SHANK2: variants seen among roughly 807,000 people sequenced by gnomAD.
SHANK2 encodes the protein SH3 and multiple ankyrin repeat domains 2.
In SHANK2, 43 loss-of-function variants were observed where a neutral mutation model predicts 133.7. That is an observed-to-expected ratio of 0.32 (90% CI 0.25 to 0.41). The LOEUF is 0.41. Ranked by LOEUF, SHANK2 falls within the 10% of genes least tolerant of loss-of-function variation. The pLI, the probability that SHANK2 is intolerant of heterozygous loss-of-function variation, is 1.00. For synonymous variants in SHANK2, 1,017 were observed against 952.8 expected (o/e 1.07, Z -1.24); for missense variants, 1,994 against 2,235.8 (o/e 0.89, Z 2.18).
At chr11:70,947,980 C>T (rs560847000) in intron 10 of SHANK2, among the ~76,000 whole-genome samples, 1 of 152,218 alleles carries the variant, frequency 6.6e-6, no homozygotes, top group African/African-American at 2.4e-5. Flanking sequence ...CACCATCCCA[C>T]CCCCACCTCT....
chr11:71,109,113 GA>G (rs1555098568), intron 6 of SHANK2, among the ~76,000 whole-genome samples: 1 of 152,194 alleles, frequency 6.6e-6, no homozygotes, highest in Non-Finnish European at 1.5e-5. Flanking sequence ...CTCAAGACAA[GA>G]GGGGAGGGAG....
rs536646372 is a variant in SHANK2, at chr11:70,775,571, T to C, written c.1777+22872A>G. Among the ~76,000 whole-genome samples, 7 of 152,332 alleles carry C rather than the reference T, an allele frequency of 4.6e-5. No individual in the cohort carries two copies. The East Asian group carries it at 1.4e-3, about 29-fold the overall frequency. ...TTGACTCTAGACCCACATTTGCAGA[T>C]GGTGCCCAATCCACCACTCGCGGCC... On this transcript the variant is annotated intron_variant, in intron 14 of 25. Coordinates refer to ENST00000601538, the MANE Select transcript of SHANK2 (RefSeq NM_012309.5).
chr11:70,661,750 G>C (rs368374581), intron 15 of SHANK2, 72 bp from the exon 16 acceptor site: 2 of 1,614,034 alleles, frequency 1.2e-6, no homozygotes, highest in Non-Finnish European at 1.7e-6. Context: ...CTCCTCCGCC[G>C]GGGACGTTCA....
intron 14 of SHANK2, among the ~76,000 whole-genome samples, chr11:70,784,909 G>T (rs1947616249): frequency 6.6e-6 from 1 of 152,232 alleles, no homozygotes; most frequent in Non-Finnish European, 1.5e-5. Context: ...CATGGACACA[G>T]GAAGCCACAG....
In SHANK2 at chr11:70,713,682, G is replaced by A. The variant is rs376415141; in HGVS notation, c.1778-14919C>T. Among the ~76,000 whole-genome samples, 33 of 152,180 alleles carry A rather than the reference G, an allele frequency of 2.2e-4. 1 individual carries two copies. The highest frequency in any genetic ancestry group is 3.4e-3 in the Middle Eastern group (1 of 294). On this transcript the variant is annotated intron_variant, in intron 14 of 25. Transcript: ENST00000601538. ...AGAGCTGTCACAGCGCCGGGTGTCC[G>A]TCACAGCACCGGGTGTCCGTCACAG...
chr11:70,473,742 T>G lies in SHANK2; in HGVS notation c.4980-303A>C, dbSNP rs192615814. 4.1e-3 allele frequency: 1,604 copies of G among 395,696 alleles called. 26 individuals are homozygous for G. Among genetic ancestry groups the G allele is most frequent in the African/African-American group, 0.031 (1,486 of 47,624 alleles). The allele number at this position is 395,696 out of a possible 1,614,324, so 24.5% of individuals were successfully genotyped here. A position where few individuals can be genotyped will look rare whatever the true frequency, so the allele number is the denominator to read the frequency against. The stretch of plus-strand genomic sequence containing the variant: ...ACCACGTCAGCCCACTCACCTGAAC[T>G]GGGACAGAGGGGCTGGGGGACCTGC... On this transcript the variant is annotated intron_variant, in intron 25 of 25. Transcript: ENST00000601538. The surrounding 1 kb of genome is among the most constrained non-coding windows in gnomAD (Gnocchi z 5.9).
intron 2 of SHANK2, among the ~76,000 whole-genome samples, chr11:71,223,330 A>G (rs1555121632): frequency 2.6e-5 from 4 of 152,170 alleles, no homozygotes; most frequent in African/African-American, 9.7e-5. Context: ...GAGATAAACG[A>G]TCAGCACAGC....
chr11:70,502,195 G>A lies in SHANK2; in HGVS notation c.2278+11C>T, dbSNP rs1555158787. ...GTGACTGTACAGGGCTGGGCCGGGT[G>A]TGCGACTTACCGAGCTCCTCCAGCT... On this transcript the variant is annotated intron_variant, in intron 19 of 25. Transcript: ENST00000601538. 4 of 1,554,168 alleles carry A rather than the reference G, an allele frequency of 2.6e-6. No homozygotes were observed. Among genetic ancestry groups the A allele is most frequent in the Non-Finnish European group, 3.5e-6 (4 of 1,148,134 alleles).
At chr11:70,826,134 G>A (rs1555057174) in intron 11 of SHANK2, among the ~76,000 whole-genome samples, 1 of 152,174 alleles carries the variant, frequency 6.6e-6, no homozygotes, top group African/African-American at 2.4e-5. Flanking sequence ...GGTCACTGAG[G>A]ACTATAGTCA....
intron 17 of SHANK2, among the ~76,000 whole-genome samples, chr11:70,656,158 A>C (rs2061403092): frequency 6.6e-6 from 1 of 152,178 alleles, no homozygotes; most frequent in African/African-American, 2.4e-5. Flanking sequence ...TGTGGGAGTG[A>C]AGGGGCCTAA....
At chr11:70,742,859 G>A (rs782559428) in intron 14 of SHANK2, among the ~76,000 whole-genome samples, 2 of 152,000 alleles carry the variant, frequency 1.3e-5, no homozygotes, top group Non-Finnish European at 2.9e-5. Context: ...CACTGATAAA[G>A]GAAATGGAAA....
intron 11 of SHANK2, among the ~76,000 whole-genome samples, chr11:70,885,925 C>T (rs1456786746): frequency 8.5e-5 from 13 of 152,364 alleles, no homozygotes; most frequent in African/African-American, 2.9e-4. Flanking sequence ...TGGAACAAAA[C>T]TTCTAGACAG....
chr11:70,782,349 G>A (rs550929198), intron 14 of SHANK2, among the ~76,000 whole-genome samples: 5 of 152,306 alleles, frequency 3.3e-5, no homozygotes, highest in Non-Finnish European at 5.9e-5. Flanking sequence ...GAGCCACCGC[G>A]CCCAGCCTTA....
chr11:70,897,961 C>CA (rs1678214513), intron 10 of SHANK2, among the ~76,000 whole-genome samples: 5 of 146,346 alleles, frequency 3.4e-5, no homozygotes, highest in African/African-American at 7.6e-5. Context: ...CACACACACA[C>CA]TTTTTTTTTT....
chr11:71,159,721 T>C (rs782042058), intron 2 of SHANK2, among the ~76,000 whole-genome samples: 1 of 152,138 alleles, frequency 6.6e-6, no homozygotes, highest in Non-Finnish European at 1.5e-5. Flanking sequence ...TGGTGGCTCA[T>C]GCCCGTAATC....
chr11:71,136,553 G>A (rs1952443011), intron 3 of SHANK2, among the ~76,000 whole-genome samples: 1 of 152,184 alleles, frequency 6.6e-6, no homozygotes, highest in African/African-American at 2.4e-5. Flanking sequence ...ACGGTCACAC[G>A]AAAAGCCCAC....
intron 14 of SHANK2, among the ~76,000 whole-genome samples, chr11:70,757,208 C>T (rs1476904567): frequency 6.6e-6 from 1 of 152,232 alleles, no homozygotes; most frequent in East Asian, 1.9e-4. Context: ...AGGAGCTGGA[C>T]TCCTGGGTTT....
chr11:71,079,326 C>A (rs1288095828), intron 8 of SHANK2, among the ~76,000 whole-genome samples: 1 of 152,208 alleles, frequency 6.6e-6, no homozygotes, highest in South Asian at 2.1e-4. Context: ...CAGGCTGGAT[C>A]CTCTTCTATC....
intron 17 of SHANK2, among the ~76,000 whole-genome samples, chr11:70,628,829 T>C (rs566739234): frequency 6.6e-6 from 1 of 151,932 alleles, no homozygotes; most frequent in African/African-American, 2.4e-5. Context: ...ACTAGGGGAG[T>C]GAACAGGTCC....
Sources: gnomAD v4.1 joint callset for allele counts (sites outside exome capture counted in the v4.1 genomes callset) on GRCh38, gnomAD v4.1.1 for gene constraint, Gnocchi (gnomAD v3.1) non-coding constraint, MANE v1.5 for transcripts, NCBI Gene and HGNC (gene_info 2026-07-23, HGNC 2026-07-21) for gene names.